The following GRIP1 variants were observed in gnomAD, a reference collection of about 807,000 sequenced individuals.
GRIP1 encodes glutamate receptor-interacting protein 1.
A neutral mutation model predicts 129.9 loss-of-function variants in GRIP1; 45 were observed. The observed-to-expected ratio is 0.35, with a 90% CI of 0.27 to 0.44. The LOEUF is 0.44. Ranked by LOEUF, GRIP1 falls within the 20% of genes least tolerant of loss-of-function variation. The pLI, the probability that GRIP1 is intolerant of heterozygous loss-of-function variation, is 1.00. For synonymous variants in GRIP1, 530 were observed against 520.8 expected, an observed-to-expected ratio of 1.02 and a Z score of -0.24; for missense variants, 1,196 against 1,396.8, an observed-to-expected ratio of 0.86 and a Z score of 2.29.
intron 2 of GRIP1, chr12:66,563,814 T>TA (rs1177086066): frequency 1.3e-5 from 2 of 151,936 alleles, no homozygotes; most frequent in South Asian, 2.1e-4. Flanking sequence ...TTGTAAAAAA[T>TA]AAAAAAACAA....
At chr12:66,945,130 CTTTTG>C (rs1340936509) in intron 1 of GRIP1, among the ~76,000 whole-genome samples, 2 of 152,080 alleles carry the variant, frequency 1.3e-5, no homozygotes, top group African/African-American at 4.8e-5. Flanking sequence ...TTGCCATTCT[CTTTTG>C]TTTTCTTTTT....
At chr12:66,901,471 A>G (rs1460915806) in intron 1 of GRIP1, among the ~76,000 whole-genome samples, 1 of 152,252 alleles carries the variant, frequency 6.6e-6, no homozygotes, top group African/African-American at 2.4e-5. Flanking sequence ...AGACCCTCCA[A>G]ATAGAAAAAT....
intron 2 of GRIP1, among the ~76,000 whole-genome samples, chr12:66,571,487 T>C (rs535904202): frequency 5.3e-5 from 8 of 152,354 alleles, no homozygotes; most frequent in African/African-American, 1.9e-4. Context: ...CCTTTGTTTT[T>C]TTTTCATTGC....
Position 67,010,075 on chromosome 12 carries a change from T to C in GRIP1, c.58+58975A>G, listed in dbSNP as rs77412232. ...GGTGTCAATTTAGGCAAGATTTCTA[T>C]AGGTATACCATGGGACTGTCTCCAA... is the stretch of plus-strand genomic sequence containing the variant. On this transcript the variant is annotated intron_variant, in intron 1 of 1. Coordinates refer to the GRIP1 transcript ENST00000643019. Among the ~76,000 whole-genome samples the C allele has an allele frequency of 3.4e-3, 516 of 152,298 alleles. 17 individuals are homozygous for C. In the East Asian group the frequency reaches 0.086, roughly 25 times the overall value.
intron 1 of GRIP1, among the ~76,000 whole-genome samples, chr12:66,703,084 A>G (rs2035406042): frequency 6.6e-6 from 1 of 152,096 alleles, no homozygotes; most frequent in African/African-American, 2.4e-5. Context: ...AAGCACAGAG[A>G]GGAGATCTAA....
intron 1 of GRIP1, among the ~76,000 whole-genome samples, chr12:66,791,353 A>G (rs1592849819): frequency 6.6e-6 from 1 of 152,286 alleles, no homozygotes; most frequent in East Asian, 1.9e-4. Flanking sequence ...ATTTGGGAAT[A>G]ATTGCTTAGG....
At chr12:66,613,452 C>T (rs544706785) in intron 1 of GRIP1, among the ~76,000 whole-genome samples, 1 of 152,188 alleles carries the variant, frequency 6.6e-6, no homozygotes, top group South Asian at 2.1e-4. Flanking sequence ...TGTTACAGTT[C>T]AGTTCAGAAT....
At chr12:66,712,997 T>C (rs2035759822) in intron 1 of GRIP1, among the ~76,000 whole-genome samples, 3 of 151,964 alleles carry the variant, frequency 2.0e-5, no homozygotes, top group African/African-American at 7.2e-5. Flanking sequence ...GCATGATGAG[T>C]GAACATGACA....
At chr12:66,693,754 A>T (rs772343296) in intron 1 of GRIP1, among the ~76,000 whole-genome samples, 28 of 152,198 alleles carry the variant, frequency 1.8e-4, no homozygotes, top group Non-Finnish European at 2.2e-4. Flanking sequence ...AGAAAATTCC[A>T]TTAATCCTCA....
chr12:66,774,250 C>T (rs972645619), intron 1 of GRIP1, among the ~76,000 whole-genome samples: 6 of 152,172 alleles, frequency 3.9e-5, no homozygotes, highest in Non-Finnish European at 8.8e-5. Context: ...AACAGGCTCA[C>T]TCCACCTCCT....
At chr12:66,369,220 G>A (rs1255383731) in intron 23 of GRIP1, among the ~76,000 whole-genome samples, 1 of 151,916 alleles carries the variant, frequency 6.6e-6, no homozygotes, top group Admixed American at 6.6e-5. Context: ...GCTCATGCGT[G>A]TCTGTGATCT....
chr12:66,776,345 C>T (rs1031359649), intron 1 of GRIP1, among the ~76,000 whole-genome samples: 3 of 152,150 alleles, frequency 2.0e-5, no homozygotes, highest in Non-Finnish European at 4.4e-5. Flanking sequence ...CTATTTCTAT[C>T]CTGAACACTA....
At chr12:66,959,172 T>C (rs1039528185) in intron 1 of GRIP1, among the ~76,000 whole-genome samples, 1 of 152,226 alleles carries the variant, frequency 6.6e-6, no homozygotes, top group Non-Finnish European at 1.5e-5. Flanking sequence ...TTGCCTGTTA[T>C]ATATTTAACC....
chr12:66,909,894 G>A (rs2041000344), intron 1 of GRIP1, among the ~76,000 whole-genome samples: 2 of 152,082 alleles, frequency 1.3e-5, no homozygotes, highest in Non-Finnish European at 2.9e-5. Context: ...CTGAAAACTG[G>A]ATCAAAGGCC....
At chr12:66,581,925 T>C (rs1007874180) in intron 2 of GRIP1, among the ~76,000 whole-genome samples, 2 of 152,116 alleles carry the variant, frequency 1.3e-5, no homozygotes, top group African/African-American at 4.8e-5. Context: ...ATCATCCTGA[T>C]ACCAAAGCCA....
At chr12:66,538,238 C>T (rs1322337296) in intron 4 of GRIP1, among the ~76,000 whole-genome samples, 1 of 148,928 alleles carries the variant, frequency 6.7e-6, no homozygotes, top group Admixed American at 6.7e-5. Context: ...TTTGCTCTGT[C>T]ACCTAGGCTG....
chr12:66,526,020 T>G (rs1156878847), intron 5 of GRIP1, among the ~76,000 whole-genome samples: 1 of 151,956 alleles, frequency 6.6e-6, no homozygotes. Context: ...CACTGCTCAA[T>G]GAAATAAAAG....
chr12:66,976,960 A>G (rs904354484), intron 1 of GRIP1, among the ~76,000 whole-genome samples: 3 of 152,178 alleles, frequency 2.0e-5, no homozygotes, highest in African/African-American at 7.2e-5. Flanking sequence ...GAGAAATTTG[A>G]GAAACGAATT....
chr12:66,660,036 G>C (rs994925685), intron 1 of GRIP1, among the ~76,000 whole-genome samples: 1 of 152,116 alleles, frequency 6.6e-6, no homozygotes, highest in African/African-American at 2.4e-5. Flanking sequence ...TGCTTCTTTA[G>C]AGAGAAAAAC....
Sources: allele counts gnomAD v4.1 joint callset (sites outside exome capture counted in the v4.1 genomes callset), GRCh38; gene constraint gnomAD v4.1.1; transcripts MANE v1.5; gene names NCBI Gene and HGNC (gene_info 2026-07-23, HGNC 2026-07-21).